The following TTC9 variants were observed in gnomAD, a reference collection of about 807,000 sequenced individuals.
TTC9 encodes the protein tetratricopeptide repeat domain 9.
Under a neutral mutation model 22.9 loss-of-function variants are expected in TTC9, and 13 were observed. The observed-to-expected ratio is 0.57, with a 90% CI of 0.37 to 0.90. The LOEUF (loss-of-function observed/expected upper bound fraction) is 0.90. Ranked by LOEUF, TTC9 falls within the 40% of genes least tolerant of loss-of-function variation. The pLI, the probability that TTC9 is intolerant of heterozygous loss-of-function variation, is 0.01. For missense variants in TTC9, 280 were observed against 291.8 expected (o/e 0.96, Z 0.29); for synonymous variants, 148 against 133.2 (o/e 1.11, Z -0.77).
intron 1 of TTC9, among the ~76,000 whole-genome samples, chr14:70,651,129 C>T (rs917061406): frequency 7.2e-5 from 11 of 152,130 alleles, no homozygotes; most frequent in Non-Finnish European, 1.6e-4. Context: ...TACCAGCGTG[C>T]GCCACCATGT....
At position 70,642,225 on chromosome 14, in the gene TTC9, G is replaced by A. The variant is rs7154268; in HGVS notation, c.96G>A (p.Pro32=). ...GGCCACCGCCGCCGCTGTGCGTCCC[G>A]GGCGGCGGCGGAGGAGCCCCAGCGA... ...GQRPPPPLCV[P]GGGGGAPARG... The change falls in exon 1 of 3, where the codon CCG becomes CCA. Residue 32 remains proline (P), a synonymous_variant. Coordinates refer to ENST00000256367, the MANE Select transcript of TTC9 (RefSeq NM_015351.2). 0.22 allele frequency: 283,178 copies of A among 1,308,006 alleles called. 32,646 individuals are homozygous for A. Among genetic ancestry groups the A allele is most frequent in the Admixed American group, 0.3 (7,123 of 23,954 alleles). The allele number at this position is 1,308,006 out of a possible 1,614,324, so 81.0% of individuals were successfully genotyped here.
chr14:70,664,380 A>G (rs77305192), intron 1 of TTC9, among the ~76,000 whole-genome samples: 17,700 of 151,368 alleles, frequency 0.12, 1,433 homozygotes, highest in Middle Eastern at 0.18. Flanking sequence ...GGTAGCGCTG[A>G]GGCCAGCCTC....
intron 1 of TTC9, among the ~76,000 whole-genome samples, chr14:70,643,850 A>T (rs559017617): frequency 6.6e-6 from 1 of 152,354 alleles, no homozygotes; most frequent in South Asian, 2.1e-4. Context: ...AAAGTACTTT[A>T]CAGACTTAAA....
chr14:70,654,752 C>T (rs555506020), intron 1 of TTC9, among the ~76,000 whole-genome samples: 1 of 152,204 alleles, frequency 6.6e-6, no homozygotes, highest in East Asian at 1.9e-4. Context: ...GCCTCCCAAG[C>T]CCGAATAGGC....
intron 2 of TTC9, among the ~76,000 whole-genome samples, chr14:70,669,579 C>T (rs61980477): frequency 2.0e-5 from 3 of 148,894 alleles, no homozygotes; most frequent in Non-Finnish European, 4.4e-5. Flanking sequence ...CCACACCCAG[C>T]CTTTTTTTTT....
chr14:70,663,693 T>G (rs899282603), intron 1 of TTC9, among the ~76,000 whole-genome samples: 44 of 151,622 alleles, frequency 2.9e-4, no homozygotes, highest in African/African-American at 1.0e-3. Context: ...CCTGCCCATC[T>G]GTTAGCCCCA....
intron 1 of TTC9, among the ~76,000 whole-genome samples, chr14:70,664,553 C>G (rs906850078): frequency 5.5e-4 from 83 of 151,976 alleles, no homozygotes; most frequent in African/African-American, 2.0e-3. Context: ...TGGTGAAACC[C>G]CGTCTCTATT....
In TTC9 at chr14:70,671,296, C is replaced by A. The variant is rs1886291169; in HGVS notation, c.*141C>A. 4.5e-6 allele frequency: 3 copies of A among 660,010 alleles called. No individual in the cohort carries two copies. The highest frequency in any genetic ancestry group is 7.7e-6 in the Non-Finnish European group (3 of 392,140). The allele number at this position is 660,010 out of a possible 1,614,324, so 40.9% of individuals were successfully genotyped here. A position where few individuals can be genotyped will look rare whatever the true frequency, so the allele number is the denominator to read the frequency against. On this transcript the variant is annotated 3_prime_UTR_variant, in exon 3 of 3. Coordinates refer to ENST00000256367, the MANE Select transcript of TTC9 (RefSeq NM_015351.2). The stretch of plus-strand genomic sequence containing the variant: ...TTTTTCCTCCTGTTGCACCCCAGCT[C>A]TTTGTCTCCTCCCAGTACGAAAAGG...
chr14:70,649,366 C>T (rs138447814), intron 1 of TTC9, among the ~76,000 whole-genome samples: 1,549 of 152,304 alleles, frequency 0.01, 28 homozygotes, highest in African/African-American at 0.035. Context: ...ACTTATTATA[C>T]ACCAGACTCC....
intron 1 of TTC9, among the ~76,000 whole-genome samples, chr14:70,656,246 C>T (rs73287917): frequency 2.4e-4 from 33 of 140,050 alleles, no homozygotes; most frequent in African/African-American, 8.2e-4. Flanking sequence ...CACACACACA[C>T]ATTTATTTTT....
At chr14:70,647,571 A>G (rs182423493) in intron 1 of TTC9, among the ~76,000 whole-genome samples, 1 of 152,316 alleles carries the variant, frequency 6.6e-6, no homozygotes, top group Admixed American at 6.5e-5. Flanking sequence ...GACTGGCAGC[A>G]TATTCATTTA....
At chr14:70,649,681 A>G (rs921283304) in intron 1 of TTC9, among the ~76,000 whole-genome samples, 2 of 152,326 alleles carry the variant, frequency 1.3e-5, no homozygotes, top group African/African-American at 4.8e-5. Flanking sequence ...TAATCCATCA[A>G]TATTCTACTC....
intron 1 of TTC9, among the ~76,000 whole-genome samples, chr14:70,660,265 G>A (rs868416081): frequency 3.9e-5 from 6 of 152,348 alleles, no homozygotes; most frequent in South Asian, 2.1e-4. Context: ...GCACACATGT[G>A]CAGATTTCCA....
rs1038141557 is a variant in TTC9 at position 70,642,170 on chromosome 14, C to A, written c.41C>A (p.Pro14Gln). ...KGSAAGAKGNPSPPAAGEGQR... is the reference protein window; with the variant it reads ...KGSAAGAKGNQSPPAAGEGQR... ...TCGGCGGCCGGGGCCAAGGGGAACC[C>A]GAGCCCGCCCGCGGCCGGAGAGGGG... The change falls in exon 1 of 3, where the codon CCG becomes CAG. Residue 14 changes from proline to glutamine, a missense_variant. Transcript: ENST00000256367. 8 of 1,198,504 alleles carry A rather than the reference C, an allele frequency of 6.7e-6. No individual in the cohort carries two copies. Among genetic ancestry groups the A allele is most frequent in the Non-Finnish European group, 4.2e-6 (4 of 960,616 alleles). 74.2% of individuals were successfully genotyped at this position (1,198,504 alleles called of 1,614,324 possible). A position where few individuals can be genotyped will look rare whatever the true frequency, so the allele number is the denominator to read the frequency against.
In TTC9 at chr14:70,642,503, C is replaced by T; in HGVS notation, c.374C>T (p.Ala125Val). The T allele has an allele frequency of 6.5e-7, 1 of 1,545,380 alleles. No individual in the cohort carries two copies. Among genetic ancestry groups the T allele is most frequent in the Non-Finnish European group, 8.7e-7 (1 of 1,144,804 alleles). Residue 125 changes from alanine (A) to valine (V), a missense_variant, in exon 1 of 3, where the codon GCC becomes GTC. Ala to Val is a moderately conservative substitution (Grantham distance 64). Around this residue, in one of 5 missense-constraint regions of TTC9, gnomAD observed 165 missense variants for 145.4 expected, o/e 1.14. Coordinates refer to ENST00000256367, the MANE Select transcript of TTC9 (RefSeq NM_015351.2). Reference sequence around the variant, plus strand: ...GAGGAGCAGAGCAAGACGGTGGAAGCCATCGAGATCGACTGTTACAACAGC... The same window carrying T: ...GAGGAGCAGAGCAAGACGGTGGAAGTCATCGAGATCGACTGTTACAACAGC... ...LSEEQSKTVE[A>V]IEIDCYNSLA... is the part of the protein sequence containing the mutation.
chr14:70,645,067 G>C (rs772257874), intron 1 of TTC9, among the ~76,000 whole-genome samples: 1 of 152,018 alleles, frequency 6.6e-6, no homozygotes, highest in Non-Finnish European at 1.5e-5. Context: ...AGCCGAGATC[G>C]TGCCACTGTA....
At chr14:70,643,832 T>C (rs74063312) in intron 1 of TTC9, among the ~76,000 whole-genome samples, 5,366 of 152,310 alleles carry the variant, frequency 0.035, 312 homozygotes, top group African/African-American at 0.12. Flanking sequence ...AGGCACTTTG[T>C]AAATTGTAAA....
intron 1 of TTC9, among the ~76,000 whole-genome samples, chr14:70,662,359 C>A (rs991987452): frequency 6.6e-6 from 1 of 151,598 alleles, no homozygotes; most frequent in Non-Finnish European, 1.5e-5. Context: ...AAGGTCTCAC[C>A]CCAGTGCCAT....
At chr14:70,664,411 C>T (rs1886184555) in intron 1 of TTC9, among the ~76,000 whole-genome samples, 1 of 152,070 alleles carries the variant, frequency 6.6e-6, no homozygotes, top group African/African-American at 2.4e-5. Context: ...GTCACCCCCT[C>T]CACCCCTGGA....
Sources: gnomAD v4.1 joint callset for allele counts (sites outside exome capture counted in the v4.1 genomes callset) on GRCh38, gnomAD v4.1.1 for gene constraint, gnomAD v4.1.1 regional missense constraint, MANE v1.5 for transcripts, NCBI Gene and HGNC (gene_info 2026-07-23, HGNC 2026-07-21) for gene names.